Variants in GAD1 observed in about 807,000 individuals in gnomAD.
GAD1 encodes glutamate decarboxylase 1.
In GAD1, 35 loss-of-function variants were observed where a neutral mutation model predicts 75.2. The ratio of observed to expected loss-of-function variants is 0.47; its 90% CI spans 0.36 to 0.62. GAD1 has a LOEUF of 0.62. Among genes scored for constraint, GAD1 ranks in the 20% least tolerant of loss-of-function variants. The pLI, the probability that GAD1 is intolerant of heterozygous loss-of-function variation, is 0.00. For missense variants in GAD1, 490 were observed against 758.5 expected, an observed-to-expected ratio of 0.65 and a Z score of 4.16; for synonymous variants, 257 against 271.9, an observed-to-expected ratio of 0.95 and a Z score of 0.54.
intron 5 of GAD1, among the ~76,000 whole-genome samples, chr2:170,836,081 C>G (rs1702363595): frequency 6.6e-6 from 1 of 151,684 alleles, no homozygotes; most frequent in Non-Finnish European, 1.5e-5. Context: ...CATTCTAACA[C>G]TAGCTCTCTG....
intron 14 of GAD1, among the ~76,000 whole-genome samples, chr2:170,855,114 AC>A (rs1702824129): frequency 6.9e-6 from 1 of 144,778 alleles, no homozygotes; most frequent in South Asian, 2.1e-4. Context: ...TAACACTCAA[AC>A]AACAAGATTT....
At chr2:170,822,349 G>T (rs905008885) in intron 3 of GAD1, among the ~76,000 whole-genome samples, 200 bp downstream of exon 3, 1 of 152,154 alleles carries the variant, frequency 6.6e-6, no homozygotes, top group Non-Finnish European at 1.5e-5. Context: ...TGGTCCCCAG[G>T]GGTCTTTTCC....
At chr2:170,815,408 C>A (rs1256051789), upstream of GAD1, among the ~76,000 whole-genome samples, 7 of 152,154 alleles carry the variant, frequency 4.6e-5, no homozygotes, top group Non-Finnish European at 7.4e-5. Flanking sequence ...TATTTCAAAC[C>A]CCACAGCGAG....
Position 170,847,741 on chromosome 2 carries a change from A to G in GAD1, c.1068A>G (p.Ile356Met). 1.2e-6 allele frequency: 2 copies of G among 1,614,212 alleles called. No individual in the cohort carries two copies. Among genetic ancestry groups the G allele is most frequent in the Non-Finnish European group, 1.7e-6 (2 of 1,180,004 alleles). ...CTGTTTATGGAGCTTTTGATCCGAT[A>G]CAAGAGATTGCAGATATATGTGAGA... The part of the protein sequence containing the change: ...GTTVYGAFDP[I>M]QEIADICEKY... Residue 356 changes from isoleucine (I) to methionine (M), a missense_variant, in exon 11 of 17, where the codon ATA (isoleucine) becomes ATG (methionine). By Grantham distance (10) the Ile-to-Met change is conservative (BLOSUM62 1). This residue lies in a region of GAD1 where 324 missense variants were observed against 523.9 expected (regional missense o/e 0.62). Coordinates refer to ENST00000358196, the MANE Select transcript of GAD1 (RefSeq NM_000817.3).
intron 2 of GAD1, among the ~76,000 whole-genome samples, chr2:170,820,297 G>A (rs1217709949): frequency 6.6e-6 from 1 of 152,204 alleles, no homozygotes; most frequent in Non-Finnish European, 1.5e-5. Context: ...ACACAACAGA[G>A]GCGATGACCT....
rs191922344 is a variant in GAD1 at position 170,835,978 on chromosome 2, G to A, written c.548-815G>A. 4.6e-5 allele frequency among the ~76,000 whole-genome samples: 7 copies of A among 152,214 alleles called. 1 individual carries two copies. The East Asian group carries it at 1.2e-3, about 25-fold the overall frequency. On this transcript the variant is annotated intron_variant, in intron 5 of 16. Transcript: ENST00000358196. ...TGAGGGCTCTTAAGATGCAGAGACT[G>A]GTATCTTCTGATATGAGAAGTCATA... is the stretch of plus-strand genomic sequence containing the variant.
At position 170,835,441 on chromosome 2, in the gene GAD1, T is replaced by C. The variant is rs191105218; in HGVS notation, c.548-1352T>C. Among the ~76,000 whole-genome samples, 45 of 152,348 alleles carry C rather than the reference T, an allele frequency of 3.0e-4. 1 individual carries two copies. Among genetic ancestry groups the C allele is most frequent in the Admixed American group, 2.7e-3 (42 of 15,306 alleles). ...TATCATCTGCTACTTTCATCCAATA[T>C]AGAGAATTGAAATTCAAATTGAAAC... On this transcript the variant is annotated intron_variant, in intron 5 of 16. Transcript: ENST00000358196.
intron 3 of GAD1, among the ~76,000 whole-genome samples, chr2:170,827,212 G>T (rs1204960492): frequency 2.0e-5 from 3 of 152,138 alleles, no homozygotes; most frequent in Non-Finnish European, 2.9e-5. Context: ...ACCCATCACA[G>T]TTGAATTGTA....
chr2:170,858,687 A>G, intron 15 of GAD1, 117 bp from the exon 16 acceptor site: 1 of 848,388 alleles, frequency 1.2e-6, no homozygotes, highest in South Asian at 1.4e-5. Flanking sequence ...TTTGAGATGA[A>G]CATTCAACCT....
In GAD1 at chr2:170,853,964, C is replaced by T; in HGVS notation, c.1355C>T (p.Ala452Val). 1.9e-6 allele frequency: 3 copies of T among 1,614,126 alleles called. No individual in the cohort carries two copies. Among genetic ancestry groups the T allele is most frequent in the Non-Finnish European group, 2.5e-6 (3 of 1,180,036 alleles). The change falls in exon 14 of 17, where the codon GCA (alanine) becomes GTA (valine). Residue 452 changes from alanine to valine, a missense_variant. Ala to Val is a moderately conservative substitution (Grantham distance 64). Transcript: ENST00000358196. The surrounding 1 kb of genome is among the most constrained non-coding windows in gnomAD (Gnocchi z 4.1). The stretch of plus-strand genomic sequence containing the variant: ...GTCTCCTACGACACCGGGGACAAGG[C>T]AATTCAGTGTGGCCGCCACGTGGAT... Reference protein sequence around the residue: ...YDVSYDTGDKAIQCGRHVDIF... With the variant: ...YDVSYDTGDKVIQCGRHVDIF...
intron 5 of GAD1, among the ~76,000 whole-genome samples, chr2:170,835,774 A>G (rs796244371): frequency 2.9e-4 from 44 of 152,356 alleles, no homozygotes; most frequent in African/African-American, 1.0e-3. Flanking sequence ...ATGGCTTTCA[A>G]TACAATGTGT....
intron 14 of GAD1, among the ~76,000 whole-genome samples, chr2:170,856,234 C>T (rs1045937612): frequency 1.3e-5 from 2 of 152,234 alleles, no homozygotes; most frequent in Admixed American, 6.5e-5. Flanking sequence ...AACCCTCATA[C>T]TGCTGTTATT....
At position 170,822,740 on chromosome 2, in the gene GAD1, T is replaced by C. The variant is rs1341933947; in HGVS notation, c.145+591T>C. 3.9e-5 allele frequency among the ~76,000 whole-genome samples: 6 copies of C among 152,298 alleles called. No homozygotes were observed. The South Asian group carries it at 6.2e-4, about 16-fold the overall frequency. ...TCATAACGGATTCAAGTTTCTTTCT[T>C]TGGGGCTTCGGAGGCTAAAGAAAAG... On this transcript the variant is annotated intron_variant, in intron 3 of 16. Coordinates refer to ENST00000358196, the MANE Select transcript of GAD1 (RefSeq NM_000817.3).
chr2:170,831,030 C>A lies in GAD1; in HGVS notation c.385C>A (p.Arg129Ser), dbSNP rs779472420. 59 of 1,614,026 alleles carry A rather than the reference C, an allele frequency of 3.7e-5. No homozygotes were observed. Among genetic ancestry groups the A allele is most frequent in the Non-Finnish European group, 4.9e-5 (58 of 1,180,038 alleles). Residue 129 changes from arginine (R) to serine (S), a missense_variant, in exon 5 of 17, where the codon CGC becomes AGC. This residue lies in a region of GAD1 where 165 missense variants were observed against 216.4 expected (regional missense o/e 0.76). Transcript: ENST00000358196. ...EVVDILLNYV[R>S]KTFDRSTKVL... ...GGTGGACATACTCCTCAACTATGTC[C>A]GCAAGACATTTGATCGCTCCACCAA...
At position 170,860,520 on chromosome 2, in the gene GAD1, G is replaced by C. The variant is rs1402124073; in HGVS notation, c.*638G>C. 6.5e-6 allele frequency: 1 copy of C among 153,224 alleles called. No homozygotes were observed. The highest frequency in any genetic ancestry group is 1.9e-4 in the East Asian group (1 of 5,204). The allele number at this position is 153,224 out of a possible 1,614,324, so 9.5% of individuals were successfully genotyped here. On this transcript the variant is annotated 3_prime_UTR_variant, in exon 17 of 17. Coordinates refer to ENST00000358196, the MANE Select transcript of GAD1 (RefSeq NM_000817.3). ...TCCTGTTGTCTGACCTTGGTGGTGG[G>C]AGGGGGAGACTATGTGTCATGATTT...
intron 6 of GAD1, among the ~76,000 whole-genome samples, chr2:170,840,249 C>A (rs1575438526): frequency 6.6e-6 from 1 of 152,176 alleles, no homozygotes; most frequent in Non-Finnish European, 1.5e-5. Context: ...GAAAGGCAAC[C>A]ACCGCACAGT....
intron 6 of GAD1, among the ~76,000 whole-genome samples, chr2:170,837,719 T>C: frequency 6.6e-6 from 1 of 151,696 alleles, no homozygotes; most frequent in South Asian, 2.1e-4. Flanking sequence ...AAAACAAATA[T>C]CTTATAATAA....
intron 6 of GAD1, among the ~76,000 whole-genome samples, chr2:170,839,332 A>C (rs1355298949): frequency 1.3e-5 from 2 of 152,214 alleles, no homozygotes; most frequent in African/African-American, 4.8e-5. Flanking sequence ...GAAAGATGGT[A>C]GGTTGGGTGT....
intron 6 of GAD1, among the ~76,000 whole-genome samples, chr2:170,839,953 TG>T (rs1702470409): frequency 6.6e-6 from 1 of 152,226 alleles, no homozygotes; most frequent in Admixed American, 6.5e-5. Context: ...AAATTCTCTA[TG>T]GGAGTTATTC....
Sources: gnomAD v4.1 joint callset for allele counts (sites outside exome capture counted in the v4.1 genomes callset) on GRCh38, gnomAD v4.1.1 for gene constraint, gnomAD v4.1.1 regional missense constraint, Gnocchi (gnomAD v3.1) non-coding constraint, MANE v1.5 for transcripts, NCBI Gene and HGNC (gene_info 2026-07-23, HGNC 2026-07-21) for gene names.